FRMD4B: variants seen among roughly 807,000 people sequenced by gnomAD.
FRMD4B encodes FERM domain containing 4B, also known as FERM domain-containing protein 4B.
FRMD4B carries 74 observed loss-of-function variants against 141.5 expected under a neutral mutation model. The observed-to-expected ratio is 0.52, with a 90% CI of 0.43 to 0.63. The LOEUF (loss-of-function observed/expected upper bound fraction) is 0.63, where lower values mean the gene tolerates loss of function less well. Ranked by LOEUF, FRMD4B falls within the 30% of genes least tolerant of loss-of-function variation. FRMD4B has a pLI of 0.00. For synonymous variants in FRMD4B, 506 were observed against 467.9 expected, an observed-to-expected ratio of 1.08 and a Z score of -1.05; for missense variants, 1,366 against 1,253.4, an observed-to-expected ratio of 1.09 and a Z score of -1.36.
intron 19 of FRMD4B, among the ~76,000 whole-genome samples, chr3:69,185,826 G>A (rs1453829112): frequency 1.3e-5 from 2 of 152,132 alleles, no homozygotes; most frequent in Admixed American, 1.3e-4. Context: ...CGGATCACCT[G>A]AGGTCAGGAG....
At chr3:69,198,581 G>C (rs890712161) in intron 12 of FRMD4B, 117 bp downstream of exon 12, 1 of 658,160 alleles carries the variant, frequency 1.5e-6, no homozygotes, top group Non-Finnish European at 2.8e-6. Context: ...CCATTCCTAG[G>C]TATACACCCA....
At chr3:69,479,175 G>A (rs1252085315) in intron 1 of FRMD4B, among the ~76,000 whole-genome samples, 2 of 150,760 alleles carry the variant, frequency 1.3e-5, no homozygotes, top group East Asian at 1.9e-4. Flanking sequence ...GCCAGTCTGG[G>A]TCTTTTAATT....
In FRMD4B at chr3:69,350,456, C is replaced by T. The variant is rs1483424124; in HGVS notation, c.162+35372G>A. On this transcript the variant is annotated intron_variant, in intron 1 of 22. Coordinates refer to ENST00000398540, the MANE Select transcript of FRMD4B (RefSeq NM_015123.3). ...CTAGCAGTAGAAATACCATTTGACC[C>T]AGCCATCCCATTACTGCGTATATAC... is the stretch of plus-strand genomic sequence containing the variant. Among the ~76,000 whole-genome samples, 6 of 152,128 alleles carry T rather than the reference C, an allele frequency of 3.9e-5. No homozygotes were observed. The East Asian group carries it at 7.7e-4, about 20-fold the overall frequency.
At chr3:69,461,516 C>T (rs964904178) in intron 1 of FRMD4B, among the ~76,000 whole-genome samples, 3 of 149,886 alleles carry the variant, frequency 2.0e-5, no homozygotes, top group East Asian at 4.0e-4. Context: ...CCCACCCACT[C>T]GAGCAGCTGA....
At chr3:69,439,380 T>C (rs897184909) in intron 1 of FRMD4B, among the ~76,000 whole-genome samples, 18 of 152,160 alleles carry the variant, frequency 1.2e-4, no homozygotes, top group Middle Eastern at 3.2e-3. Context: ...ACAACCTACA[T>C]GAGAGTACAT....
At position 69,180,931 on chromosome 3, in the gene FRMD4B, G is replaced by A; in HGVS notation, c.2819C>T (p.Ser940Phe). The A allele has an allele frequency of 6.8e-6, 11 of 1,611,346 alleles. No homozygotes were observed. The highest frequency in any genetic ancestry group is 8.5e-6 in the Non-Finnish European group (10 of 1,177,796). The stretch of plus-strand genomic sequence containing the variant: ...GTACGAGGATGCACGACTGCTTGGA[G>A]AACAAGGTACTTGCAGCCCCGCAAA... ...LGFAGLQVPC[S>F]PSSRASSYSS... Residue 940 changes from serine (S) to phenylalanine (F), a missense_variant, in exon 21 of 23, where the codon TCT (serine) becomes TTT (phenylalanine). Physicochemically the swap from Ser to Phe is radical, Grantham distance 155. Coordinates refer to ENST00000398540, the MANE Select transcript of FRMD4B (RefSeq NM_015123.3).
rs1286957615 is a variant in FRMD4B, at chr3:69,188,236, C to T, written c.1772-319G>A. On this transcript the variant is annotated intron_variant, in intron 18 of 22. Transcript: ENST00000398540. ...TTTTAAAAAGCTATATTAAAGAAAA[C>T]CCCCAGTGTGAACCAAGGGGAAGTT... is the stretch of plus-strand genomic sequence containing the variant. Among the ~76,000 whole-genome samples the T allele has an allele frequency of 1.1e-4, 16 of 152,110 alleles. 1 individual carries two copies. Among genetic ancestry groups the T allele is most frequent in the Admixed American group, 9.8e-4 (15 of 15,260 alleles).
intron 2 of FRMD4B, among the ~76,000 whole-genome samples, chr3:69,424,951 A>T (rs532644521): frequency 9.2e-5 from 14 of 152,276 alleles, no homozygotes; most frequent in African/African-American, 3.1e-4. Flanking sequence ...TAGGACTTGA[A>T]CTATAACAGC....
intron 1 of FRMD4B, among the ~76,000 whole-genome samples, chr3:69,541,862 G>A (rs1254426214): frequency 6.7e-6 from 1 of 150,152 alleles, no homozygotes; most frequent in South Asian, 2.1e-4. Flanking sequence ...CTTTTCTCCC[G>A]ACCTCCCACG....
At chr3:69,497,071 G>T (rs1706415007) in intron 1 of FRMD4B, among the ~76,000 whole-genome samples, 1 of 152,000 alleles carries the variant, frequency 6.6e-6, no homozygotes, top group Non-Finnish European at 1.5e-5. Context: ...GGAAAGCAAT[G>T]ACATATGCTG....
chr3:69,448,205 T>A (rs1705438746), intron 1 of FRMD4B, among the ~76,000 whole-genome samples: 1 of 152,102 alleles, frequency 6.6e-6, no homozygotes, highest in Admixed American at 6.5e-5. Context: ...AATTTTTGTA[T>A]TTTTAGTAGA....
upstream of FRMD4B, among the ~76,000 whole-genome samples, chr3:69,388,976 T>G (rs1413028747): frequency 6.6e-6 from 1 of 151,778 alleles, no homozygotes; most frequent in East Asian, 1.9e-4. Context: ...TTATTTCTCA[T>G]CCTTCATCCC....
At chr3:69,259,844 T>A (rs1028414059) in intron 5 of FRMD4B, among the ~76,000 whole-genome samples, 2 of 152,232 alleles carry the variant, frequency 1.3e-5, no homozygotes, top group African/African-American at 4.8e-5. Context: ...CAGGCTAATG[T>A]GGAGTGGTGC....
chr3:69,441,838 T>G (rs1705348489), intron 1 of FRMD4B, among the ~76,000 whole-genome samples: 1 of 152,170 alleles, frequency 6.6e-6, no homozygotes. Context: ...TGTAAGACAT[T>G]TCTAGTCTCT....
intron 7 of FRMD4B, among the ~76,000 whole-genome samples, chr3:69,236,627 A>C (rs907852024): frequency 6.6e-6 from 1 of 152,222 alleles, no homozygotes; most frequent in Non-Finnish European, 1.5e-5. Context: ...AAACTGCTAC[A>C]GGTGAGAAGT....
chr3:69,363,929 T>G (rs1005639212), intron 1 of FRMD4B, among the ~76,000 whole-genome samples: 4 of 152,194 alleles, frequency 2.6e-5, no homozygotes, highest in Non-Finnish European at 5.9e-5. Context: ...GAGCAGCTTC[T>G]TCCATTTACT....
chr3:69,256,115 G>T lies in FRMD4B; in HGVS notation c.502-6016C>A, dbSNP rs138048587. Among the ~76,000 whole-genome samples, 1,490 of 152,030 alleles carry T rather than the reference G, an allele frequency of 9.8e-3. 14 individuals carry two copies. The highest frequency in any genetic ancestry group is 0.052 in the East Asian group (267 of 5,160). ...TGTCCTTAAAAAAAATAAAAGGTTG[G>T]GGGGGAGGGACTATTTGGATGCTGT... is the stretch of plus-strand genomic sequence containing the variant. On this transcript the variant is annotated intron_variant, in intron 5 of 22. Coordinates refer to ENST00000398540, the MANE Select transcript of FRMD4B (RefSeq NM_015123.3).
rs527960438 is a variant in FRMD4B, at chr3:69,442,688, G to A, written c.-128-9927C>T. On this transcript the variant is annotated intron_variant, in intron 1 of 5. Transcript: ENST00000459638. Reference sequence around the variant, plus strand: ...TGGAGCCATACGTGCACCCACTGACGTCCTATGTCATGTCCTCTTTGCCCA... The same window carrying A: ...TGGAGCCATACGTGCACCCACTGACATCCTATGTCATGTCCTCTTTGCCCA... Among the ~76,000 whole-genome samples the A allele has an allele frequency of 7.8e-4, 119 of 152,256 alleles. 2 individuals carry two copies. The highest frequency in any genetic ancestry group is 2.7e-3 in the African/African-American group (113 of 41,552).
At chr3:69,342,245 A>C (rs1702764706) in intron 1 of FRMD4B, among the ~76,000 whole-genome samples, 1 of 152,210 alleles carries the variant, frequency 6.6e-6, no homozygotes, top group Admixed American at 6.5e-5. Flanking sequence ...CCTGAAGGCA[A>C]GACCAGAGTC....
Sources: gnomAD v4.1 joint callset for allele counts (sites outside exome capture counted in the v4.1 genomes callset) on GRCh38, gnomAD v4.1.1 for gene constraint, MANE v1.5 for transcripts, NCBI Gene and HGNC (gene_info 2026-07-23, HGNC 2026-07-21) for gene names.